Variants in DNAH12 observed in about 807,000 individuals in gnomAD.
DNAH12 encodes axonemal beta dynein heavy chain 12.
In DNAH12, 285 loss-of-function variants were observed where a neutral mutation model predicts 371.5. The observed-to-expected ratio is 0.77, with a 90% CI of 0.70 to 0.85. DNAH12 has a LOEUF of 0.85. Ranked by LOEUF, DNAH12 falls within the 40% of genes least tolerant of loss-of-function variation. DNAH12 has a pLI of 0.00. For missense variants in DNAH12, 3,611 were observed against 3,689.4 expected (o/e 0.98, Z 0.55); for synonymous variants, 1,200 against 1,213.0 (o/e 0.99, Z 0.22).
chr3:57,430,475 T>C (rs1277714703), intron 32 of DNAH12, among the ~76,000 whole-genome samples: 1 of 152,206 alleles, frequency 6.6e-6, no homozygotes, highest in Admixed American at 6.5e-5. Flanking sequence ...TCAAAGACTA[T>C]GCATTGAGTT....
chr3:57,365,177 T>C (rs917092145), intron 57 of DNAH12, among the ~76,000 whole-genome samples: 1 of 152,244 alleles, frequency 6.6e-6, no homozygotes, highest in Admixed American at 6.5e-5. Context: ...ACTGCAGCAC[T>C]ATTCACAATA....
chr3:57,428,953 C>T (rs2064869327), intron 33 of DNAH12, 132 bp from the exon 34 acceptor site: 8 of 894,466 alleles, frequency 8.9e-6, no homozygotes, highest in Non-Finnish European at 1.3e-5. Flanking sequence ...TAGCTTCACA[C>T]AGTCTAGACG....
upstream of DNAH12, among the ~76,000 whole-genome samples, chr3:57,546,231 T>C (rs988389656): frequency 1.3e-5 from 2 of 152,186 alleles, no homozygotes; most frequent in African/African-American, 2.4e-5. Flanking sequence ...GGGCACCCCA[T>C]TCAGGTCCCC....
intron 32 of DNAH12, among the ~76,000 whole-genome samples, chr3:57,431,504 TTTCA>T (rs2064955364): frequency 6.6e-6 from 1 of 152,216 alleles, no homozygotes; most frequent in Non-Finnish European, 1.5e-5. Context: ...CATCCAGTTA[TTTCA>T]TTCATTGTCT....
At chr3:57,365,458 G>T (rs1434515380) in intron 57 of DNAH12, among the ~76,000 whole-genome samples, 1 of 152,070 alleles carries the variant, frequency 6.6e-6, no homozygotes, top group Non-Finnish European at 1.5e-5. Context: ...GGGCCTGTCA[G>T]GGTGGGTAGG....
chr3:57,352,252 T>C (rs898296771), intron 59 of DNAH12, 27 bp from the exon 60 acceptor site: 2 of 1,520,600 alleles, frequency 1.3e-6, no homozygotes, highest in East Asian at 2.5e-5. Context: ...GGAAAACGTA[T>C]TGTCAAACAA....
intron 25 of DNAH12, 56 bp from the exon 26 acceptor site, chr3:57,446,745 A>T: frequency 7.3e-7 from 1 of 1,375,890 alleles, no homozygotes; most frequent in Non-Finnish European, 9.5e-7. Flanking sequence ...AAAAAACAAC[A>T]GACACTTGTT....
chr3:57,346,810 T>C (rs537979865), intron 60 of DNAH12, among the ~76,000 whole-genome samples: 1 of 152,258 alleles, frequency 6.6e-6, no homozygotes, highest in South Asian at 2.1e-4. Context: ...AGGGTAGCTA[T>C]ATTAATTTCA....
intron 11 of DNAH12, among the ~76,000 whole-genome samples, chr3:57,499,647 A>AAAAATATATATATAT (rs1451248906): frequency 5.6e-4 from 10 of 17,952 alleles, no homozygotes; most frequent in Non-Finnish European, 7.2e-4. Context: ...AAAAAAAAAA[A>AAAAATATATATATAT]ATATATATAT....
intron 4 of DNAH12, chr3:57,519,856 A>G: frequency 1.0e-6 from 1 of 1,003,970 alleles, no homozygotes; most frequent in Non-Finnish European, 1.6e-6. Flanking sequence ...GACTCTGCAG[A>G]TGGCGCACAT....
chr3:57,296,881 GTA>G lies in DNAH12; in HGVS notation c.11496_11497del (p.Thr3833HisfsTer4), dbSNP rs1559530492. 1.2e-5 allele frequency: 19 copies of G among 1,551,480 alleles called. No individual in the cohort carries two copies. The highest frequency in any genetic ancestry group is 1.6e-5 in the Non-Finnish European group (18 of 1,146,996). On this transcript the variant is annotated frameshift_variant, in exon 71 of 74. Transcript: ENST00000495027. LOFTEE classifies it high-confidence loss of function. ...ATATCCTAGCAAATCAATAGGGGTG[GTA>G]TATTTTCTGGCATAATTCTGCATAG...
chr3:57,549,524 A>T, the DNAH12 span, among the ~76,000 whole-genome samples: 11 of 152,232 alleles, frequency 7.2e-5, no homozygotes, highest in South Asian at 1.9e-3. Flanking sequence ...AAATTTTTTT[A>T]AAAATTGTTT....
intron 15 of DNAH12, 148 bp downstream of exon 15, chr3:57,471,323 TA>T: frequency 2.3e-6 from 1 of 427,568 alleles, no homozygotes; most frequent in Non-Finnish European, 3.4e-6. Flanking sequence ...ATTAGATAAA[TA>T]TATATGTATA....
At chr3:57,436,566 A>T (rs2065131772) in intron 30 of DNAH12, among the ~76,000 whole-genome samples, 1 of 152,192 alleles carries the variant, frequency 6.6e-6, no homozygotes, top group Non-Finnish European at 1.5e-5. Context: ...TCTAGGTTGT[A>T]GGTCTCTGGA....
chr3:57,370,205 ATTTG>A (rs1402839265), intron 55 of DNAH12, among the ~76,000 whole-genome samples: 18,514 of 152,144 alleles, frequency 0.12, 1,602 homozygotes, highest in East Asian at 0.51. Context: ...TTTGCATTTT[ATTTG>A]TTTGTCTCCT....
rs539691661 is a variant in DNAH12, at chr3:57,521,294, T to C, written c.279+2289A>G. Among the ~76,000 whole-genome samples, 10 of 152,192 alleles carry C rather than the reference T, an allele frequency of 6.6e-5. No homozygotes were observed. In the South Asian group the frequency reaches 2.1e-3, roughly 32 times the overall value. On this transcript the variant is annotated intron_variant, in intron 4 of 73. Transcript: ENST00000495027. ...GGGAGCTTTAGGCTGAGGTTTTTTT[T>C]ATTTTATGGATATCCAATTGCTTTC... is the stretch of plus-strand genomic sequence containing the variant.
chr3:57,498,131 C>T (rs1209346848), intron 11 of DNAH12: 1 of 186,902 alleles, frequency 5.4e-6, no homozygotes, highest in Non-Finnish European at 1.1e-5. Flanking sequence ...CAGTGGGATA[C>T]CAATATACAC....
At chr3:57,505,468 T>G (rs1048438440) in intron 8 of DNAH12, among the ~76,000 whole-genome samples, 1 of 152,040 alleles carries the variant, frequency 6.6e-6, no homozygotes, top group African/African-American at 2.4e-5. Flanking sequence ...TGAGACAGAG[T>G]CTCACTCTGT....
At chr3:57,419,584 C>T (rs1375641067) in intron 36 of DNAH12, 66 bp from the exon 37 acceptor site, 1 of 1,184,334 alleles carries the variant, frequency 8.4e-7, no homozygotes, top group Non-Finnish European at 1.1e-6. Flanking sequence ...AGGCTCTTTT[C>T]AACATGTATA....
Sources: allele counts gnomAD v4.1 joint callset (sites outside exome capture counted in the v4.1 genomes callset), GRCh38; gene constraint gnomAD v4.1.1; transcripts MANE v1.5; gene names NCBI Gene and HGNC (gene_info 2026-07-23, HGNC 2026-07-21).